KCNIP4: variants seen among roughly 807,000 people sequenced by gnomAD.
KCNIP4 encodes the protein Kv channel-interacting protein 4.
Under a neutral mutation model 34.0 loss-of-function variants are expected in KCNIP4, and 12 were observed. The ratio of observed to expected loss-of-function variants is 0.35; its 90% CI spans 0.23 to 0.57. The LOEUF is 0.57. Ranked by LOEUF, KCNIP4 falls within the 20% of genes least tolerant of loss-of-function variation. KCNIP4 has a pLI of 0.83. For synonymous variants in KCNIP4, 124 were observed against 102.2 expected (o/e 1.21, Z -1.29); for missense variants, 238 against 311.7 (o/e 0.76, Z 1.78).
intron 3 of KCNIP4, among the ~76,000 whole-genome samples, chr4:20,811,917 T>G (rs1044254099): frequency 1.4e-4 from 22 of 152,132 alleles, no homozygotes; most frequent in African/African-American, 5.3e-4. Flanking sequence ...GGACAGATTT[T>G]GCAGAGCTTT....
At chr4:21,107,620 G>T (rs2109089945) in intron 1 of KCNIP4, among the ~76,000 whole-genome samples, 1 of 149,260 alleles carries the variant, frequency 6.7e-6, no homozygotes, top group African/African-American at 2.5e-5. Context: ...ATATTGTTAT[G>T]TATGAATTTG....
At chr4:21,519,361 C>CGTATATGTATGTGT in intron 1 of KCNIP4, among the ~76,000 whole-genome samples, 1 of 142,002 alleles carries the variant, frequency 7.0e-6, no homozygotes, top group African/African-American at 2.6e-5. Context: ...CACACACACA[C>CGTATATGTATGTGT]ACACACACAC....
At chr4:21,228,185 C>A (rs1758540404) in intron 1 of KCNIP4, among the ~76,000 whole-genome samples, 1 of 152,100 alleles carries the variant, frequency 6.6e-6, no homozygotes, top group African/African-American at 2.4e-5. Context: ...GAGAAGGGGC[C>A]TAGTGGGAGG....
intron 1 of KCNIP4, among the ~76,000 whole-genome samples, chr4:21,725,115 A>G (rs1053078274): frequency 5.9e-5 from 9 of 152,176 alleles, no homozygotes; most frequent in African/African-American, 2.2e-4. Flanking sequence ...CTCTGCCTTC[A>G]CAAACCTATG....
chr4:21,047,994 CT>C (rs1263704996), intron 1 of KCNIP4, among the ~76,000 whole-genome samples: 1 of 152,182 alleles, frequency 6.6e-6, no homozygotes, highest in African/African-American at 2.4e-5. Context: ...GGAAAAACAA[CT>C]GGGCTTGAAA....
intron 1 of KCNIP4, among the ~76,000 whole-genome samples, chr4:21,758,825 T>C (rs1717845337): frequency 6.6e-6 from 1 of 152,070 alleles, no homozygotes; most frequent in Admixed American, 6.6e-5. Context: ...AGTAGAGAAA[T>C]ATCCTGGTTA....
intron 1 of KCNIP4, among the ~76,000 whole-genome samples, chr4:21,362,323 C>A (rs142916037): frequency 6.6e-6 from 1 of 152,194 alleles, no homozygotes; most frequent in Admixed American, 6.5e-5. Flanking sequence ...CTCATGGTCA[C>A]GAAAGCAGTG....
At chr4:21,762,841 A>G (rs1718151440) in intron 1 of KCNIP4, 7 of 850,014 alleles carry the variant, frequency 8.2e-6, no homozygotes, top group Non-Finnish European at 1.1e-5. Context: ...ATGTGTATAT[A>G]TAAGTGTGAG....
intron 1 of KCNIP4, among the ~76,000 whole-genome samples, chr4:21,584,163 T>C (rs1741442465): frequency 6.6e-6 from 1 of 152,084 alleles, no homozygotes. Flanking sequence ...ACCCTCATTT[T>C]AATTTTCCTT....
intron 1 of KCNIP4, among the ~76,000 whole-genome samples, chr4:21,384,825 T>A (rs1577275782): frequency 6.6e-6 from 1 of 152,176 alleles, no homozygotes; most frequent in South Asian, 2.1e-4. Context: ...AGATTTTTAC[T>A]TGAAATAGCT....
chr4:21,237,307 G>A (rs983911992), intron 1 of KCNIP4, among the ~76,000 whole-genome samples: 2 of 152,128 alleles, frequency 1.3e-5, no homozygotes, highest in Admixed American at 6.6e-5. Context: ...CGAGGGAGAT[G>A]AATAATGAAC....
intron 3 of KCNIP4, among the ~76,000 whole-genome samples, chr4:20,766,392 C>T (rs910108218): frequency 1.3e-5 from 2 of 152,000 alleles, no homozygotes; most frequent in African/African-American, 4.8e-5. Context: ...ATGGTGAAAC[C>T]CTGTCTGTAC....
rs190338471 is a variant in KCNIP4 at position 20,901,186 on chromosome 4, A to G, written c.62-18477T>C. On this transcript the variant is annotated intron_variant, in intron 1 of 8. Transcript: ENST00000382152. ...ACTATCCAATTTAATCATGAAAAGAAAACAGTCCTATGAGATAAGCATGAA... is the reference window on the plus strand; with the variant it reads ...ACTATCCAATTTAATCATGAAAAGAGAACAGTCCTATGAGATAAGCATGAA... 4.1e-3 allele frequency among the ~76,000 whole-genome samples: 625 copies of G among 152,374 alleles called. 2 individuals are homozygous for G. The highest frequency in any genetic ancestry group is 7.2e-3 in the Non-Finnish European group (487 of 68,034).
At chr4:21,236,961 G>A (rs1244578972) in intron 1 of KCNIP4, among the ~76,000 whole-genome samples, 3 of 151,340 alleles carry the variant, frequency 2.0e-5, no homozygotes, top group South Asian at 4.2e-4. Context: ...AGCCGAGATC[G>A]TGCCACTGCA....
At chr4:21,073,853 T>C (rs193024809) in intron 1 of KCNIP4, among the ~76,000 whole-genome samples, 3 of 152,318 alleles carry the variant, frequency 2.0e-5, no homozygotes, top group East Asian at 1.9e-4. Flanking sequence ...TGAAGGGCTG[T>C]TGAATTTTGT....
intron 1 of KCNIP4, among the ~76,000 whole-genome samples, chr4:21,430,352 C>T (rs1264837385): frequency 6.6e-6 from 1 of 150,970 alleles, no homozygotes; most frequent in Non-Finnish European, 1.5e-5. Context: ...AGAAACTCTC[C>T]CTTGATAAGG....
Position 20,907,342 on chromosome 4 carries a change from C to G in KCNIP4, c.62-24633G>C, listed in dbSNP as rs140967017. ...AGTTTTGTCTAGAAATTTAGAAGCT[C>G]TAACTCTGCTACTGTTAATTGCTAG... On this transcript the variant is annotated intron_variant, in intron 1 of 8. Coordinates refer to ENST00000382152, the MANE Select transcript of KCNIP4 (RefSeq NM_025221.6). 3.5e-3 allele frequency among the ~76,000 whole-genome samples: 531 copies of G among 152,264 alleles called. 4 individuals carry two copies. Among genetic ancestry groups the G allele is most frequent in the African/African-American group, 0.012 (504 of 41,542 alleles).
At chr4:21,528,688 A>C (rs1024063700) in intron 1 of KCNIP4, among the ~76,000 whole-genome samples, 9 of 2,088 alleles carry the variant, frequency 4.3e-3, no homozygotes, top group African/African-American at 0.011. Context: ...AGAAAGAAAG[A>C]AAGAAAGAAA....
intron 1 of KCNIP4, among the ~76,000 whole-genome samples, chr4:21,570,772 T>A (rs1740307114): frequency 6.6e-6 from 1 of 152,190 alleles, no homozygotes; most frequent in South Asian, 2.1e-4. Flanking sequence ...ATCATTATCA[T>A]AATTACAATG....
Sources: allele counts gnomAD v4.1 joint callset (sites outside exome capture counted in the v4.1 genomes callset), GRCh38; gene constraint gnomAD v4.1.1; transcripts MANE v1.5; gene names NCBI Gene and HGNC (gene_info 2026-07-23, HGNC 2026-07-21).